The following DCHS2 variants were observed in gnomAD, a reference collection of about 807,000 sequenced individuals.
DCHS2 encodes the protein dachsous cadherin-related 2.
A neutral mutation model predicts 182.4 loss-of-function variants in DCHS2; 142 were observed. The ratio of observed to expected loss-of-function variants is 0.78; its 90% CI spans 0.68 to 0.89. DCHS2 has a LOEUF of 0.89. DCHS2 is among the 40% of genes least tolerant of loss of function. The pLI, the probability that DCHS2 is intolerant of heterozygous loss-of-function variation, is 0.00. For missense variants in DCHS2, 4,319 were observed against 4,198.6 expected, an observed-to-expected ratio of 1.03 and a Z score of -0.79; for synonymous variants, 1,740 against 1,663.3, an observed-to-expected ratio of 1.05 and a Z score of -1.12.
Position 154,489,699 on chromosome 4 carries a change from C to A in DCHS2, c.1657G>T (p.Ala553Ser), listed in dbSNP as rs1345615399. 1 of 1,551,690 alleles carries A rather than the reference C, an allele frequency of 6.4e-7. No individual in the cohort carries two copies. The change falls in exon 1 of 20, where the codon GCC becomes TCC. Residue 553 changes from alanine to serine, a missense_variant. Coordinates refer to ENST00000357232, the MANE Select transcript of DCHS2 (RefSeq NM_001358235.2). ...HYKASVSEAA[A>S]PGTVVMWVSA... The stretch of plus-strand genomic sequence containing the variant: ...ACCCACATGACTACAGTGCCAGGGG[C>A]CGCGGCCTCGGACACTGAGGCCTTG...
At chr4:154,313,610 T>C (rs1361723166) in intron 10 of DCHS2, among the ~76,000 whole-genome samples, 2 of 152,154 alleles carry the variant, frequency 1.3e-5, no homozygotes, top group East Asian at 1.9e-4. Context: ...TCCTGTTTCA[T>C]TGTTTTAACC....
intron 1 of DCHS2, among the ~76,000 whole-genome samples, chr4:154,430,382 G>A (rs1733511042): frequency 6.6e-6 from 1 of 152,146 alleles, no homozygotes; most frequent in Non-Finnish European, 1.5e-5. Context: ...AGCCTGGGCA[G>A]CATCAAAAAT....
chr4:154,437,833 T>TA (rs1733843182), intron 1 of DCHS2, among the ~76,000 whole-genome samples: 2 of 152,200 alleles, frequency 1.3e-5, no homozygotes, highest in African/African-American at 4.8e-5. Context: ...TCTTTTTTCT[T>TA]AGAGGCTAAA....
In DCHS2 at chr4:154,232,980, T is replaced by TATC. The variant is rs1229227332; in HGVS notation, c.*1553_*1555dup. 1.3e-5 allele frequency: 2 copies of TATC among 152,194 alleles called. No homozygotes were observed. The highest frequency in any genetic ancestry group is 2.9e-5 in the Non-Finnish European group (2 of 68,028). 9.4% of individuals were successfully genotyped at this position (152,194 alleles called of 1,614,324 possible). ...CAGCATAGGAAGCTGTAGAATTACT[T>TATC]ATCTACAAAACCAGACATCAAACAC... is the stretch of plus-strand genomic sequence containing the variant. On this transcript the variant is annotated 3_prime_UTR_variant, in exon 20 of 20. Coordinates refer to ENST00000357232, the MANE Select transcript of DCHS2 (RefSeq NM_001358235.2).
intron 14 of DCHS2, 34 bp from the exon 15 acceptor site, chr4:154,259,790 T>C (rs780760299): frequency 1.3e-6 from 2 of 1,570,482 alleles, no homozygotes; most frequent in East Asian, 4.5e-5. Context: ...AAAAAGAAAA[T>C]GATGTTGTAG....
chr4:154,425,530 A>C (rs1733289319), intron 1 of DCHS2, among the ~76,000 whole-genome samples: 1 of 152,160 alleles, frequency 6.6e-6, no homozygotes, highest in Admixed American at 6.5e-5. Flanking sequence ...TTGAAACCAG[A>C]GCTGTGAAAC....
chr4:154,432,205 T>C (rs1733586647), intron 1 of DCHS2, among the ~76,000 whole-genome samples: 1 of 152,250 alleles, frequency 6.6e-6, no homozygotes, highest in Non-Finnish European at 1.5e-5. Context: ...GCAACTTGAA[T>C]AGTCCATCTT....
intron 1 of DCHS2, among the ~76,000 whole-genome samples, chr4:154,429,602 C>T (rs370959501): frequency 1.2e-4 from 18 of 152,180 alleles, no homozygotes; most frequent in African/African-American, 4.1e-4. Flanking sequence ...CCATCTGACC[C>T]AGCTCTCCCA....
chr4:154,398,284 G>A (rs1442332918), intron 1 of DCHS2, among the ~76,000 whole-genome samples: 5 of 152,170 alleles, frequency 3.3e-5, no homozygotes, highest in Non-Finnish European at 4.4e-5. Context: ...TTGAATCCTG[G>A]GTTCACCATG....
intron 10 of DCHS2, among the ~76,000 whole-genome samples, chr4:154,311,404 A>T (rs201552110): frequency 1.4e-3 from 145 of 102,804 alleles, no homozygotes; most frequent in Middle Eastern, 4.5e-3. Context: ...ACAAATTTTT[A>T]TATTTTTTTT....
chr4:154,468,013 G>A (rs1237426167), intron 1 of DCHS2, among the ~76,000 whole-genome samples: 1 of 152,094 alleles, frequency 6.6e-6, no homozygotes, highest in Non-Finnish European at 1.5e-5. Flanking sequence ...TGACTAGGTA[G>A]TTGGTTTCAA....
At chr4:154,459,224 C>T (rs1323780218) in intron 1 of DCHS2, among the ~76,000 whole-genome samples, 3 of 151,960 alleles carry the variant, frequency 2.0e-5, no homozygotes, top group African/African-American at 4.8e-5. Context: ...ATTCTCACGA[C>T]AAAATGGAAT....
At chr4:154,327,651 C>T (rs902190626) in intron 7 of DCHS2, among the ~76,000 whole-genome samples, 2 of 152,226 alleles carry the variant, frequency 1.3e-5, no homozygotes, top group East Asian at 1.9e-4. Context: ...TCCCCATACA[C>T]ACACGCATGT....
chr4:154,234,844 CT>C lies in DCHS2; in HGVS notation c.9807del (p.Glu3270ArgfsTer11), dbSNP rs759526136. 1 of 1,613,922 alleles carries C rather than the reference CT, an allele frequency of 6.2e-7. No homozygotes were observed. Among genetic ancestry groups the C allele is most frequent in the Non-Finnish European group, 8.5e-7 (1 of 1,179,970 alleles). On this transcript the variant is annotated frameshift_variant, in exon 20 of 20. Transcript: ENST00000357232. LOFTEE classifies it low-confidence loss of function (END_TRUNC). ...GGTGGAAAAACAAAAGATTTCTTCT[CT>C]TTTGGAATGCCAGGCATATGCAAAT... is the stretch of plus-strand genomic sequence containing the variant. ...DEHLHMPGIP[K>X]EKKSFVFPPP...
At chr4:154,238,341 A>AAACCT (rs1731637071) in intron 19 of DCHS2, among the ~76,000 whole-genome samples, 1 of 152,120 alleles carries the variant, frequency 6.6e-6, no homozygotes, top group Non-Finnish European at 1.5e-5. Context: ...GGTAATCCCA[A>AAACCT]GGTTAATTTT....
chr4:154,323,499 G>T (rs986126631), intron 7 of DCHS2, among the ~76,000 whole-genome samples: 3 of 152,060 alleles, frequency 2.0e-5, no homozygotes, highest in East Asian at 1.9e-4. Context: ...AGTTATTTTT[G>T]ATGTTGGCCC....
chr4:154,252,347 A>AATCT (rs919819331), intron 16 of DCHS2, among the ~76,000 whole-genome samples: 1 of 152,142 alleles, frequency 6.6e-6, no homozygotes, highest in African/African-American at 2.4e-5. Flanking sequence ...TTTTAATTAT[A>AATCT]ATCTTTTTGT....
chr4:154,329,906 T>C (rs987743431), intron 5 of DCHS2, among the ~76,000 whole-genome samples, 196 bp from the exon 6 acceptor site: 3 of 152,248 alleles, frequency 2.0e-5, no homozygotes, highest in Non-Finnish European at 4.4e-5. Flanking sequence ...TCACTTTAAA[T>C]TTGTTATTCT....
rs1004454742 is a variant in DCHS2 at position 154,486,649 on chromosome 4, T to C, written c.2052+2655A>G. 2.2e-5 allele frequency: 19 copies of C among 851,148 alleles called. No individual in the cohort carries two copies. In the South Asian group the frequency reaches 3.1e-4, roughly 14 times the overall value. 52.7% of individuals were successfully genotyped at this position (851,148 alleles called of 1,614,324 possible). ...GAGATTCAAAGGCAAGATGGGGGAGTTGGTTTTTGCAAAGTGGTATAAAGA... is the reference window on the plus strand; with the variant it reads ...GAGATTCAAAGGCAAGATGGGGGAGCTGGTTTTTGCAAAGTGGTATAAAGA... On this transcript the variant is annotated intron_variant, in intron 1 of 19. Transcript: ENST00000357232.
Sources: allele counts gnomAD v4.1 joint callset (sites outside exome capture counted in the v4.1 genomes callset), GRCh38; gene constraint gnomAD v4.1.1; transcripts MANE v1.5; gene names NCBI Gene and HGNC (gene_info 2026-07-23, HGNC 2026-07-21).